The following ARHGEF10 variants were observed in gnomAD, a reference collection of about 807,000 sequenced individuals.
The protein encoded by ARHGEF10 is Rho guanine nucleotide exchange factor 10, also known as Rho guanine nucleotide exchange factor (GEF) 10.
A neutral mutation model predicts 147.4 loss-of-function variants in ARHGEF10; 140 were observed. The observed-to-expected ratio is 0.95, with a 90% CI of 0.83 to 1.09. ARHGEF10 has a LOEUF of 1.09. Ranked by LOEUF, ARHGEF10 falls within the 50% of genes least tolerant of loss-of-function variation. ARHGEF10 has a pLI of 0.00. For missense variants in ARHGEF10, 2,222 were observed against 1,752.7 expected, an observed-to-expected ratio of 1.27 and a Z score of -4.78; for synonymous variants, 902 against 695.8, an observed-to-expected ratio of 1.30 and a Z score of -4.67.
intron 7 of ARHGEF10, among the ~76,000 whole-genome samples, chr8:1,871,862 C>G (rs1288272474): frequency 6.6e-6 from 1 of 152,090 alleles, no homozygotes; most frequent in African/African-American, 2.4e-5. Flanking sequence ...AACTGAGTAT[C>G]CAGCCAGCTG....
chr8:1,897,890 C>T (rs1810137749), intron 14 of ARHGEF10, among the ~76,000 whole-genome samples: 1 of 152,122 alleles, frequency 6.6e-6, no homozygotes, highest in African/African-American at 2.4e-5. Flanking sequence ...GAGTCGGGTG[C>T]CCTGTGAGCT....
intron 16 of ARHGEF10, chr8:1,904,135 C>G (rs1488481485): frequency 6.6e-6 from 1 of 152,532 alleles, no homozygotes; most frequent in Non-Finnish European, 1.5e-5. Context: ...TTGTCTTCAC[C>G]TATGCATGGG....
chr8:1,863,915 C>T (rs763030932), intron 4 of ARHGEF10, among the ~76,000 whole-genome samples: 1 of 151,934 alleles, frequency 6.6e-6, no homozygotes, highest in South Asian at 2.1e-4. Context: ...GTAACCACTC[C>T]TCTCTTGAAC....
intron 18 of ARHGEF10, among the ~76,000 whole-genome samples, chr8:1,919,188 G>T (rs1287159496): frequency 6.8e-6 from 1 of 146,834 alleles, no homozygotes; most frequent in Admixed American, 6.7e-5. Context: ...TCTGGGTGAT[G>T]GAGCTGTTCC....
rs543480742 is a variant in ARHGEF10, at chr8:1,884,311, G to T, written c.1076-1290G>T. On this transcript the variant is annotated intron_variant, in intron 10 of 28. Coordinates refer to ENST00000349830, the MANE Select transcript of ARHGEF10 (RefSeq NM_014629.4). ...CTCAGGAGGCTGAGGCAGGAGAATGGCGTGAACCCGGGAGGCGGAGCTTGC... is the reference window on the plus strand; with the variant it reads ...CTCAGGAGGCTGAGGCAGGAGAATGTCGTGAACCCGGGAGGCGGAGCTTGC... Among the ~76,000 whole-genome samples, 25 of 151,994 alleles carry T rather than the reference G, an allele frequency of 1.6e-4. No individual in the cohort carries two copies. The South Asian group carries it at 5.2e-3, about 32-fold the overall frequency.
In ARHGEF10 at chr8:1,952,824, A is replaced by C; in HGVS notation, c.3517A>C (p.Thr1173Pro). The C allele has an allele frequency of 6.2e-7, 1 of 1,613,866 alleles. No homozygotes were observed. Among genetic ancestry groups the C allele is most frequent in the Non-Finnish European group, 8.5e-7 (1 of 1,180,040 alleles). ...ACGTCTGCAAGGGATTCCCAAAGTG[A>C]CCGGTGAGTGGCACCTGCAGTCTGA... ...VPRLQGIPKV[T>P]GRGMVSYHAH... The change falls in exon 28 of 29, where the codon ACC becomes CCC. Residue 1173 changes from threonine (T) to proline (P), a missense_variant. By Grantham distance (38) the Thr-to-Pro change is conservative. Transcript: ENST00000349830.
chr8:1,888,176 AGTGG>A (rs1808903468), intron 11 of ARHGEF10, among the ~76,000 whole-genome samples: 4 of 65,500 alleles, frequency 6.1e-5, no homozygotes, highest in African/African-American at 4.7e-4. Flanking sequence ...GGAGACAGTG[AGTGG>A]GGTGAGGGTT....
At position 1,881,442 on chromosome 8, in the gene ARHGEF10, G is replaced by A. The variant is rs188982269; in HGVS notation, c.961-1193G>A. 9.8e-3 allele frequency among the ~76,000 whole-genome samples: 1,488 copies of A among 152,330 alleles called. 13 individuals carry two copies. The highest frequency in any genetic ancestry group is 0.017 in the Non-Finnish European group (1,127 of 68,016). On this transcript the variant is annotated intron_variant, in intron 9 of 28. Transcript: ENST00000349830. ...TAGACAGGCTGTGCAGGACGGAAAC[G>A]CGCAGGCGGGCAGGGCTGTCTGCGG...
intron 10 of ARHGEF10, among the ~76,000 whole-genome samples, chr8:1,885,004 A>G (rs764611645): frequency 2.4e-4 from 37 of 152,288 alleles, no homozygotes; most frequent in Admixed American, 3.9e-4. Context: ...GGCTCAAGCG[A>G]TTCTACCATC....
At chr8:1,847,231 G>A (rs541500328) in intron 2 of ARHGEF10, among the ~76,000 whole-genome samples, 2 of 152,254 alleles carry the variant, frequency 1.3e-5, no homozygotes, top group African/African-American at 4.8e-5. Context: ...GATGACCTAA[G>A]CAGCCTTCAA....
chr8:1,872,533 TA>T (rs1414320860), intron 7 of ARHGEF10, among the ~76,000 whole-genome samples: 1 of 152,248 alleles, frequency 6.6e-6, no homozygotes, highest in African/African-American at 2.4e-5. Context: ...GAGCCTGTTT[TA>T]ACCTTTTACA....
At chr8:1,885,200 A>G (rs1035060822) in intron 10 of ARHGEF10, among the ~76,000 whole-genome samples, 1 of 152,198 alleles carries the variant, frequency 6.6e-6, no homozygotes, top group African/African-American at 2.4e-5. Flanking sequence ...TCAGTTTTCA[A>G]TGACTGTTCT....
intron 1 of ARHGEF10, among the ~76,000 whole-genome samples, chr8:1,841,999 C>CGGGAACTGGGTCCGCGGA (rs1804117098): frequency 1.4e-5 from 1 of 74,024 alleles, no homozygotes; most frequent in African/African-American, 4.8e-5. Flanking sequence ...GGGGCCGCGG[C>CGGGAACTGGGTCCGCGGA]GGGAACTGGG....
intron 7 of ARHGEF10, chr8:1,870,047 C>T (rs1016629664): frequency 3.3e-5 from 5 of 153,052 alleles, no homozygotes; most frequent in African/African-American, 1.2e-4. Flanking sequence ...AGTGGGGAGC[C>T]CGGGAAGTGT....
intron 1 of ARHGEF10, among the ~76,000 whole-genome samples, chr8:1,836,199 A>G (rs1803571168): frequency 2.0e-5 from 3 of 151,976 alleles, no homozygotes; most frequent in Admixed American, 6.6e-5. Flanking sequence ...AAAAAAGAAA[A>G]AAAAAAACAC....
At chr8:1,953,040 C>T (rs575309208) in intron 28 of ARHGEF10, among the ~76,000 whole-genome samples, 41 of 152,350 alleles carry the variant, frequency 2.7e-4, no homozygotes, top group African/African-American at 9.6e-4. Context: ...CAAGGAGAAT[C>T]TTATGTTTTT....
chr8:1,946,247 C>A (rs796903595), intron 27 of ARHGEF10, among the ~76,000 whole-genome samples: 1 of 152,118 alleles, frequency 6.6e-6, no homozygotes, highest in East Asian at 1.9e-4. Flanking sequence ...CTGTGGGGTC[C>A]GTGGAAGGGC....
chr8:1,886,892 C>T (rs1184689544), intron 11 of ARHGEF10, among the ~76,000 whole-genome samples: 1 of 152,180 alleles, frequency 6.6e-6, no homozygotes, highest in Admixed American at 6.5e-5. Context: ...TCACTGGGGC[C>T]ATGTGATCTG....
chr8:1,929,469 G>A (rs747906817), intron 25 of ARHGEF10, 26 bp downstream of exon 25: 1 of 1,589,280 alleles, frequency 6.3e-7, no homozygotes, highest in Non-Finnish European at 8.6e-7. Context: ...CGGCCTCCTG[G>A]CCGGTCCTTG....
Sources: allele counts gnomAD v4.1 joint callset (sites outside exome capture counted in the v4.1 genomes callset), GRCh38; gene constraint gnomAD v4.1.1; transcripts MANE v1.5; gene names NCBI Gene and HGNC (gene_info 2026-07-23, HGNC 2026-07-21).